Variants in PCDHGA9 observed in about 807,000 individuals in gnomAD.
PCDHGA9 encodes protocadherin gamma-A9.
PCDHGA9 carries 37 observed loss-of-function variants against 62.5 expected under a neutral mutation model. That is an observed-to-expected ratio of 0.59 (90% CI 0.46 to 0.78). PCDHGA9 has a LOEUF of 0.78. Ranked by LOEUF, PCDHGA9 falls within the 30% of genes least tolerant of loss-of-function variation. The pLI is 0.00. For synonymous variants in PCDHGA9, 459 were observed against 484.6 expected (o/e 0.95, Z 0.69); for missense variants, 1,138 against 1,166.2 (o/e 0.98, Z 0.35).
rs773944794 is a variant in PCDHGA9 at position 141,477,003 on chromosome 5, C to T, written c.2425-17804C>T. 1.2e-6 allele frequency: 2 copies of T among 1,614,214 alleles called. No homozygotes were observed. The highest frequency in any genetic ancestry group is 8.5e-7 in the Non-Finnish European group (1 of 1,180,040). On this transcript the variant is annotated intron_variant, in intron 1 of 3. Transcript: ENST00000573521. This position sits in a 1 kb window ranked among gnomAD's most constrained non-coding sequence, Gnocchi z 4.9. ...CGCGCCGGCGTGCGGCAACTATTCG[C>T]CTTAGACCTTGTAACCGGGATGCTG...
chr5:141,503,161 T>C (rs1035413931), intron 2 of PCDHGA9, among the ~76,000 whole-genome samples: 3 of 152,054 alleles, frequency 2.0e-5, no homozygotes, highest in Admixed American at 1.3e-4. Context: ...AGTATCACAA[T>C]TGCAATTACT....
At chr5:141,463,981 A>G (rs1441851777) in intron 1 of PCDHGA9, among the ~76,000 whole-genome samples, 1 of 152,150 alleles carries the variant, frequency 6.6e-6, no homozygotes, top group Non-Finnish European at 1.5e-5. Context: ...ACTCCATTGT[A>G]AAAACCAGGT....
intron 3 of PCDHGA9, among the ~76,000 whole-genome samples, chr5:141,508,528 C>T (rs2099869454): frequency 6.6e-6 from 1 of 152,186 alleles, no homozygotes; most frequent in Admixed American, 6.5e-5. Context: ...AACCTCAGGG[C>T]ACCCCCCACG....
chr5:141,408,344 G>A, intron 1 of PCDHGA9: 1 of 1,613,958 alleles, frequency 6.2e-7, no homozygotes, highest in East Asian at 2.2e-5. Flanking sequence ...CTCGGTGGTG[G>A]GGAACCTCGC....
At chr5:141,449,667 G>A (rs540415333) in intron 1 of PCDHGA9, among the ~76,000 whole-genome samples, 1 of 150,824 alleles carries the variant, frequency 6.6e-6, no homozygotes, top group South Asian at 2.1e-4. Context: ...ACACCCAAGT[G>A]TGTATGTATA....
At chr5:141,460,983 G>GTGTA (rs1554142949) in intron 1 of PCDHGA9, among the ~76,000 whole-genome samples, 1,579 of 137,794 alleles carry the variant, frequency 0.011, 39 homozygotes, top group African/African-American at 0.038. Context: ...GTGTGTGTGT[G>GTGTA]TATATATATA....
Position 141,432,928 on chromosome 5 carries a change from C to T in PCDHGA9, c.2424+27552C>T, listed in dbSNP as rs1443097611. ...GGCTGCGGCGCTGGCACAAGTCACG[C>T]CTGCTGCAGGCTTCAGGAGGCGGCT... On this transcript the variant is annotated intron_variant, in intron 1 of 3. Transcript: ENST00000573521. This position sits in a 1 kb window ranked among gnomAD's most constrained non-coding sequence, Gnocchi z 6.0. 1.2e-6 allele frequency: 2 copies of T among 1,614,066 alleles called. No homozygotes were observed. Among genetic ancestry groups the T allele is most frequent in the African/African-American group, 1.3e-5 (1 of 74,942 alleles).
intron 1 of PCDHGA9, among the ~76,000 whole-genome samples, chr5:141,446,545 C>T (rs903831454): frequency 4.6e-5 from 7 of 151,914 alleles, no homozygotes; most frequent in African/African-American, 1.7e-4. Context: ...GGCCCTATCT[C>T]TGCTCACTGC....
intron 1 of PCDHGA9, chr5:141,418,292 T>A: frequency 6.2e-7 from 1 of 1,613,988 alleles, no homozygotes. Context: ...AATCAGTGAA[T>A]CCGTCAGCCT....
At chr5:141,408,643 C>T (rs751905674) in intron 1 of PCDHGA9, 3 of 1,613,910 alleles carry the variant, frequency 1.9e-6, no homozygotes, top group Non-Finnish European at 1.7e-6. Context: ...AATCTGCATC[C>T]GCTGGTACAC....
At position 141,405,016 on chromosome 5, in the gene PCDHGA9, C is replaced by A. The variant is rs538744733; in HGVS notation, c.2064C>A (p.Asp688Glu). 1 of 1,614,006 alleles carries A rather than the reference C, an allele frequency of 6.2e-7. No individual in the cohort carries two copies. Among genetic ancestry groups the A allele is most frequent in the African/African-American group, 1.3e-5 (1 of 75,056 alleles). Residue 688 changes from aspartate (D) to glutamate (E), a missense_variant, in exon 1 of 4, where the codon GAC becomes GAA. Physicochemically the swap from Asp to Glu is conservative, Grantham distance 45 (BLOSUM62 2). Coordinates refer to ENST00000573521, the MANE Select transcript of PCDHGA9 (RefSeq NM_018921.3). ...TCCCTGCAGACCTGGAGGCCTCAGACCTTACCCTCTACCTCGTTGTGGCTG... is the reference window on the plus strand; with the variant it reads ...TCCCTGCAGACCTGGAGGCCTCAGAACTTACCCTCTACCTCGTTGTGGCTG... ...LQIPADLEAS[D>E]LTLYLVVAVA...
At chr5:141,507,531 C>T (rs1467914007) in intron 3 of PCDHGA9, among the ~76,000 whole-genome samples, 3 of 151,964 alleles carry the variant, frequency 2.0e-5, no homozygotes, top group African/African-American at 7.2e-5. Flanking sequence ...CCAGAGAGGC[C>T]AGAGACTGAG....
At chr5:141,445,427 C>G (rs964779092) in intron 1 of PCDHGA9, among the ~76,000 whole-genome samples, 4 of 152,152 alleles carry the variant, frequency 2.6e-5, no homozygotes, top group African/African-American at 9.7e-5. Flanking sequence ...ATATGCAAGG[C>G]ACTGACCTAT....
At chr5:141,502,074 C>G (rs73794927) in intron 2 of PCDHGA9, among the ~76,000 whole-genome samples, 1,657 of 152,272 alleles carry the variant, frequency 0.011, 27 homozygotes, top group African/African-American at 0.037. Flanking sequence ...CCCCCTTCAC[C>G]TGGGGCTGAG....
intron 1 of PCDHGA9, chr5:141,428,285 C>G (rs765814584): frequency 1.1e-5 from 8 of 734,934 alleles, no homozygotes; most frequent in Non-Finnish European, 1.7e-5. Context: ...GATTCCCAAG[C>G]AAAGCTGCAG....
chr5:141,417,572 G>T, intron 1 of PCDHGA9: 1 of 376,228 alleles, frequency 2.7e-6, no homozygotes, highest in East Asian at 4.1e-5. Flanking sequence ...AAGTCAAGTT[G>T]CAGTCCCACA....
chr5:141,413,248 GGGATTCCATGGGA>G (rs1349440144), intron 1 of PCDHGA9: 4 of 1,613,844 alleles, frequency 2.5e-6, no homozygotes, highest in Non-Finnish European at 2.5e-6. Context: ...CCTTTTCTTC[GGGATTCCATGGGA>G]GGCTGGAGCC....
At position 141,486,905 on chromosome 5, in the gene PCDHGA9, C is replaced by G. The variant is rs1463391292; in HGVS notation, c.2425-7902C>G. On this transcript the variant is annotated intron_variant, in intron 1 of 3. Coordinates refer to ENST00000573521, the MANE Select transcript of PCDHGA9 (RefSeq NM_018921.3). This position sits in a 1 kb window ranked among gnomAD's most constrained non-coding sequence, Gnocchi z 5.0. ...GGCCCGGCCTGGTTCCTTATGTCCC[C>G]AAGCACTGCCTCCATCAGTTGGTGC... 1 of 1,614,250 alleles carries G rather than the reference C, an allele frequency of 6.2e-7. No individual in the cohort carries two copies. The highest frequency in any genetic ancestry group is 1.3e-5 in the African/African-American group (1 of 75,066).
intron 1 of PCDHGA9, chr5:141,422,347 G>A (rs1456770985): frequency 3.9e-6 from 6 of 1,553,980 alleles, no homozygotes; most frequent in Non-Finnish European, 5.2e-6. Context: ...AAATGTGCAA[G>A]ATCAAGATTC....
Sources: gnomAD v4.1 joint callset for allele counts (sites outside exome capture counted in the v4.1 genomes callset) on GRCh38, gnomAD v4.1.1 for gene constraint, Gnocchi (gnomAD v3.1) non-coding constraint, MANE v1.5 for transcripts, NCBI Gene and HGNC (gene_info 2026-07-23, HGNC 2026-07-21) for gene names.